SIPA1L3: variants seen among roughly 807,000 people sequenced by gnomAD.
SIPA1L3 encodes signal induced proliferation associated 1 like 3, also known as signal-induced proliferation-associated 1-like protein 3.
SIPA1L3 carries 59 observed loss-of-function variants against 150.1 expected under a neutral mutation model. The observed-to-expected ratio is 0.39, with a 90% CI of 0.32 to 0.49. The LOEUF is 0.49. SIPA1L3 is among the 20% of genes least tolerant of loss of function. The pLI is 0.86. For synonymous variants in SIPA1L3, 1,070 were observed against 1,077.6 expected (o/e 0.99, Z 0.14); for missense variants, 2,211 against 2,489.5 (o/e 0.89, Z 2.38).
rs73627676 is a variant in SIPA1L3 at position 38,191,913 on chromosome 19, G to A, written c.4431-232G>A. Reference sequence around the variant, plus strand: ...GGCTGCCAGCTCGGTGCTCACGGCCGTGTCCCCAGCACCTGGGACAGGACA... The same window carrying A: ...GGCTGCCAGCTCGGTGCTCACGGCCATGTCCCCAGCACCTGGGACAGGACA... On this transcript the variant is annotated intron_variant, in intron 16 of 21. Coordinates refer to ENST00000222345, the MANE Select transcript of SIPA1L3 (RefSeq NM_015073.3). Among the ~76,000 whole-genome samples, 25,090 of 152,158 alleles carry A rather than the reference G, an allele frequency of 0.16. 2,436 individuals are homozygous for A. Among genetic ancestry groups the A allele is most frequent in the African/African-American group, 0.27 (11,211 of 41,494 alleles).
chr19:38,025,057 G>A lies in SIPA1L3; in HGVS notation c.-378-4032G>A, dbSNP rs900842362. On this transcript the variant is annotated intron_variant, in intron 1 of 21. Coordinates refer to ENST00000222345, the MANE Select transcript of SIPA1L3 (RefSeq NM_015073.3). ...CCCCACCTCTGCTCACCCTCAGGTG[G>A]CAAAGAAGTCCTCAGCAGTCCCCCT... is the stretch of plus-strand genomic sequence containing the variant. Among the ~76,000 whole-genome samples, 7 of 152,198 alleles carry A rather than the reference G, an allele frequency of 4.6e-5. No individual in the cohort carries two copies. In the East Asian group the frequency reaches 9.7e-4, roughly 21 times the overall value.
intron 1 of SIPA1L3, among the ~76,000 whole-genome samples, chr19:38,007,451 C>G (rs1013720793): frequency 8.4e-5 from 2 of 23,878 alleles, no homozygotes; most frequent in African/African-American, 5.8e-4. Flanking sequence ...AACTCTGTCT[C>G]AAAAAAAAAA....
In SIPA1L3 at chr19:38,186,569, G is replaced by C. The variant is rs985266236; in HGVS notation, c.4430+3829G>C. Among the ~76,000 whole-genome samples, 8 of 151,442 alleles carry C rather than the reference G, an allele frequency of 5.3e-5. No homozygotes were observed. The East Asian group carries it at 1.6e-3, about 30-fold the overall frequency. On this transcript the variant is annotated intron_variant, in intron 16 of 21. Transcript: ENST00000222345. Reference sequence around the variant, plus strand: ...GGGTTTCACCATGTTGGTCAGGCTGGTCTCGAACTCTTGACCTCAGGCAAT... The same window carrying C: ...GGGTTTCACCATGTTGGTCAGGCTGCTCTCGAACTCTTGACCTCAGGCAAT...
At chr19:37,910,395 C>G (rs905945327) in intron 1 of SIPA1L3, among the ~76,000 whole-genome samples, 5 of 151,720 alleles carry the variant, frequency 3.3e-5, no homozygotes, top group African/African-American at 4.8e-5. Flanking sequence ...ATGGCGAAAC[C>G]CCATCTCTAC....
rs375720752 is a variant in SIPA1L3, at chr19:38,163,338, A to G, written c.3780+967A>G. ...AACCCCGTCTCTACTAAAAATACAAAAATTAGCCAGGCGTGGTGGCAGGAA... is the reference window on the plus strand; with the variant it reads ...AACCCCGTCTCTACTAAAAATACAAGAATTAGCCAGGCGTGGTGGCAGGAA... On this transcript the variant is annotated intron_variant, in intron 14 of 21. Transcript: ENST00000222345. 6.6e-5 allele frequency among the ~76,000 whole-genome samples: 10 copies of G among 152,162 alleles called. No individual in the cohort carries two copies. The East Asian group carries it at 1.9e-3, about 29-fold the overall frequency.
chr19:38,089,855 G>T (rs1036804740), intron 4 of SIPA1L3, among the ~76,000 whole-genome samples: 1 of 152,150 alleles, frequency 6.6e-6, no homozygotes, highest in African/African-American at 2.4e-5. Context: ...GCAAACTTCC[G>T]GCATAGCTGG....
chr19:37,988,380 T>C (rs1400634699), intron 1 of SIPA1L3, among the ~76,000 whole-genome samples: 2 of 151,678 alleles, frequency 1.3e-5, no homozygotes, highest in Admixed American at 1.3e-4. Context: ...TAAAAAATTA[T>C]TATCAAAAAG....
intron 13 of SIPA1L3, among the ~76,000 whole-genome samples, chr19:38,159,178 C>T (rs528861403): frequency 2.6e-5 from 4 of 152,340 alleles, no homozygotes; most frequent in Admixed American, 6.5e-5. Context: ...AAGCCACACA[C>T]GCGGTGACAC....
chr19:38,121,362 C>G (rs1292893282), intron 9 of SIPA1L3, among the ~76,000 whole-genome samples: 1 of 149,018 alleles, frequency 6.7e-6, no homozygotes, highest in South Asian at 2.1e-4. Context: ...GGTGTGAACC[C>G]GGAAGGCGAG....
chr19:37,980,040 C>G (rs1002555468), intron 1 of SIPA1L3, among the ~76,000 whole-genome samples: 3 of 152,230 alleles, frequency 2.0e-5, no homozygotes, highest in African/African-American at 4.8e-5. Flanking sequence ...CAGACAGTAT[C>G]GGGCAGTCCT....
At chr19:37,980,272 G>A (rs1967170742) in intron 1 of SIPA1L3, among the ~76,000 whole-genome samples, 1 of 152,062 alleles carries the variant, frequency 6.6e-6, no homozygotes, top group African/African-American at 2.4e-5. Flanking sequence ...ATTTTCCCTT[G>A]GGTATCCGTC....
chr19:38,193,883 C>A, intron 18 of SIPA1L3, 103 bp downstream of exon 18: 2 of 1,284,074 alleles, frequency 1.6e-6, no homozygotes, highest in Non-Finnish European at 2.0e-6. Flanking sequence ...TAGAGGTCAT[C>A]AGTGTCGGGG....
At chr19:37,952,420 C>T (rs1176187726) in intron 1 of SIPA1L3, among the ~76,000 whole-genome samples, 2 of 152,156 alleles carry the variant, frequency 1.3e-5, no homozygotes, top group Non-Finnish European at 2.9e-5. Flanking sequence ...TGCCTGTAAT[C>T]CTAGCACTTT....
Position 38,007,981 on chromosome 19 carries a change from C to T in SIPA1L3, c.-378-21108C>T, listed in dbSNP as rs183977651. Among the ~76,000 whole-genome samples the T allele has an allele frequency of 1.1e-3, 168 of 152,180 alleles. 1 individual carries two copies. Among genetic ancestry groups the T allele is most frequent in the Admixed American group, 9.5e-3 (145 of 15,278 alleles). On this transcript the variant is annotated intron_variant, in intron 1 of 21. Coordinates refer to ENST00000222345, the MANE Select transcript of SIPA1L3 (RefSeq NM_015073.3). ...GAAGGCAGGGATCTTTGTCTTTGTT[C>T]CTTTCTGTATCCCCAGCGTCTAGAG... is the stretch of plus-strand genomic sequence containing the variant.
At chr19:38,204,016 T>A in intron 20 of SIPA1L3, 111 bp from the exon 21 acceptor site, 2 of 805,684 alleles carry the variant, frequency 2.5e-6, no homozygotes, top group Non-Finnish European at 4.0e-6. Flanking sequence ...CAGGCTTTGC[T>A]AGAATGTCAG....
At chr19:38,169,001 T>C (rs1479862985) in intron 15 of SIPA1L3, among the ~76,000 whole-genome samples, 1 of 152,146 alleles carries the variant, frequency 6.6e-6, no homozygotes, top group East Asian at 1.9e-4. Context: ...CTTGCTTTCA[T>C]GAGTATTAGG....
rs185481266 is a variant in SIPA1L3 at position 38,027,165 on chromosome 19, C to A, written c.-378-1924C>A. 1.7e-3 allele frequency among the ~76,000 whole-genome samples: 256 copies of A among 152,188 alleles called. 5 individuals are homozygous for A. In the South Asian group the frequency reaches 0.024, roughly 14 times the overall value. ...AAATTACCTGGGGTGGTGGTGTGTA[C>A]CTGTAAACCCAGCTACTCGGGAGGC... On this transcript the variant is annotated intron_variant, in intron 1 of 21. Coordinates refer to ENST00000222345, the MANE Select transcript of SIPA1L3 (RefSeq NM_015073.3).
chr19:38,053,149 G>A (rs1969235686), intron 2 of SIPA1L3, among the ~76,000 whole-genome samples: 1 of 152,238 alleles, frequency 6.6e-6, no homozygotes, highest in Non-Finnish European at 1.5e-5. Context: ...GGTGAGGGGA[G>A]CCCAGGGGAG....
intron 13 of SIPA1L3, 143 bp downstream of exon 13, chr19:38,153,110 A>G (rs1330879045): frequency 9.1e-7 from 1 of 1,096,232 alleles, no homozygotes; most frequent in East Asian, 2.7e-5. Flanking sequence ...ATGTAAGACT[A>G]GAGAGGGCAC....
Sources: allele counts gnomAD v4.1 joint callset (sites outside exome capture counted in the v4.1 genomes callset), GRCh38; gene constraint gnomAD v4.1.1; transcripts MANE v1.5; gene names NCBI Gene and HGNC (gene_info 2026-07-23, HGNC 2026-07-21).